The following SNTB1 variants were observed in gnomAD, a reference collection of about 807,000 sequenced individuals.
SNTB1 encodes the protein syntrophin beta 1.
In SNTB1, 36 loss-of-function variants were observed where a neutral mutation model predicts 48.9. The observed-to-expected ratio is 0.74, with a 90% confidence interval of 0.56 to 0.97. SNTB1 has a LOEUF of 0.97. SNTB1 is among the 50% of genes least tolerant of loss of function. SNTB1 has a pLI of 0.00. For synonymous variants in SNTB1, 299 were observed against 294.6 expected (o/e 1.01, Z -0.15); for missense variants, 786 against 703.4 (o/e 1.12, Z -1.33).
chr8:120,609,109 C>T (rs973706012), intron 3 of SNTB1, among the ~76,000 whole-genome samples: 3 of 151,970 alleles, frequency 2.0e-5, no homozygotes, highest in Admixed American at 1.3e-4. Context: ...AGGATGACTA[C>T]TAAAAGAGCA....
chr8:120,633,389 T>A (rs529997381), intron 2 of SNTB1, among the ~76,000 whole-genome samples: 2 of 152,238 alleles, frequency 1.3e-5, no homozygotes, highest in East Asian at 3.9e-4. Context: ...GCAGATCACC[T>A]GAGGTCAGGA....
At chr8:120,740,501 T>C (rs1467223376) in intron 1 of SNTB1, among the ~76,000 whole-genome samples, 1 of 152,172 alleles carries the variant, frequency 6.6e-6, no homozygotes, top group Non-Finnish European at 1.5e-5. Flanking sequence ...AGCTCTGACA[T>C]CTACAGTTAC....
At position 120,573,338 on chromosome 8, in the gene SNTB1, T is replaced by C. The variant is rs547834364; in HGVS notation, c.1136+1748A>G. ...GATCATTAGTGACATTAAACACCTT[T>C]TGGACATCTGTATGTCTTCTTTGGA... is the stretch of plus-strand genomic sequence containing the variant. On this transcript the variant is annotated intron_variant, in intron 4 of 6. Coordinates refer to ENST00000517992, the MANE Select transcript of SNTB1 (RefSeq NM_021021.4). 2.6e-4 allele frequency among the ~76,000 whole-genome samples: 40 copies of C among 152,376 alleles called. 1 individual carries two copies. Among genetic ancestry groups the C allele is most frequent in the African/African-American group, 9.1e-4 (38 of 41,598 alleles).
intron 2 of SNTB1, among the ~76,000 whole-genome samples, chr8:120,675,347 A>T (rs1306857472): frequency 1.3e-5 from 2 of 152,234 alleles, no homozygotes; most frequent in Admixed American, 1.3e-4. Context: ...GTACATTTAC[A>T]TGATGATCCT....
At chr8:120,561,187 C>T (rs1476775152) in intron 4 of SNTB1, among the ~76,000 whole-genome samples, 1 of 151,902 alleles carries the variant, frequency 6.6e-6, no homozygotes, top group Non-Finnish European at 1.5e-5. Context: ...ATTAGACGGG[C>T]ATGGTAGCAC....
At chr8:120,552,006 A>C (rs1359134784) in intron 4 of SNTB1, among the ~76,000 whole-genome samples, 1 of 152,102 alleles carries the variant, frequency 6.6e-6, no homozygotes, top group African/African-American at 2.4e-5. Flanking sequence ...CATTTTCCAT[A>C]CCCTAAATTT....
intron 3 of SNTB1, among the ~76,000 whole-genome samples, chr8:120,591,621 T>C (rs1174527485): frequency 6.6e-6 from 1 of 152,180 alleles, no homozygotes; most frequent in Non-Finnish European, 1.5e-5. Context: ...ACAACTGCCC[T>C]TTTTTATGGC....
intron 3 of SNTB1, among the ~76,000 whole-genome samples, chr8:120,615,341 T>C (rs1039586141): frequency 6.6e-6 from 1 of 152,082 alleles, no homozygotes; most frequent in Non-Finnish European, 1.5e-5. Context: ...CAACAATATG[T>C]CTGATCTTAG....
intron 1 of SNTB1, among the ~76,000 whole-genome samples, chr8:120,786,396 C>A (rs1362611417): frequency 6.6e-6 from 1 of 152,122 alleles, no homozygotes; most frequent in African/African-American, 2.4e-5. Flanking sequence ...GCGCTCTAGC[C>A]CAACGATCAG....
intron 1 of SNTB1, among the ~76,000 whole-genome samples, chr8:120,700,156 C>CGTGTGTGTGTGTGTGTGTGTGTGT (rs58077307): frequency 1.6e-4 from 24 of 149,276 alleles, no homozygotes; most frequent in African/African-American, 5.9e-4. Context: ...AAAAAAATTG[C>CGTGTGTGTGTGTGTGTGTGTGTGT]GTGTGTGTGT....
At chr8:120,766,120 A>G (rs1433075265) in intron 1 of SNTB1, among the ~76,000 whole-genome samples, 1 of 152,234 alleles carries the variant, frequency 6.6e-6, no homozygotes, top group Non-Finnish European at 1.5e-5. Flanking sequence ...GAAAATGACA[A>G]GAAGAGGGTT....
chr8:120,645,500 T>C (rs1271574705), intron 2 of SNTB1, among the ~76,000 whole-genome samples: 13 of 151,796 alleles, frequency 8.6e-5, no homozygotes, highest in Admixed American at 2.0e-4. Context: ...TTCTGAGAGC[T>C]CTGTTCTGTT....
chr8:120,806,755 G>C (rs1399777170), intron 1 of SNTB1, among the ~76,000 whole-genome samples: 2 of 152,156 alleles, frequency 1.3e-5, no homozygotes, highest in Non-Finnish European at 2.9e-5. Context: ...ACTAGTAGAA[G>C]ATAAAAACCT....
At chr8:120,541,079 A>G (rs1282163011) in intron 6 of SNTB1, 1 of 152,218 alleles carries the variant, frequency 6.6e-6, no homozygotes, top group Non-Finnish European at 1.5e-5. Context: ...GCCAAGGATG[A>G]CACTTGCTAG....
intron 1 of SNTB1, among the ~76,000 whole-genome samples, chr8:120,751,861 G>T (rs1218060961): frequency 2.0e-5 from 3 of 152,120 alleles, no homozygotes; most frequent in Non-Finnish European, 2.9e-5. Context: ...TTATGATCAG[G>T]TCGCTTTTTC....
chr8:120,782,562 T>C (rs1428942962), intron 1 of SNTB1, among the ~76,000 whole-genome samples: 2 of 152,112 alleles, frequency 1.3e-5, no homozygotes, highest in Admixed American at 6.6e-5. Context: ...CAGAATGTAA[T>C]AATAATTTAA....
chr8:120,704,945 A>T (rs923059766), intron 1 of SNTB1, among the ~76,000 whole-genome samples: 1 of 152,220 alleles, frequency 6.6e-6, no homozygotes, highest in Non-Finnish European at 1.5e-5. Flanking sequence ...TTTCATGGCT[A>T]TGATTCCCAT....
intron 1 of SNTB1, among the ~76,000 whole-genome samples, chr8:120,804,335 C>T (rs1267609900): frequency 6.6e-6 from 1 of 152,016 alleles, no homozygotes; most frequent in Non-Finnish European, 1.5e-5. Flanking sequence ...ATGTTCCAGG[C>T]ACTGTGCTAA....
At chr8:120,736,940 C>T (rs970685166) in intron 1 of SNTB1, among the ~76,000 whole-genome samples, 6 of 152,108 alleles carry the variant, frequency 3.9e-5, no homozygotes, top group Non-Finnish European at 5.9e-5. Flanking sequence ...TCTCTCTTTC[C>T]TTCTTTCTGT....
Sources: allele counts gnomAD v4.1 joint callset (sites outside exome capture counted in the v4.1 genomes callset), GRCh38; gene constraint gnomAD v4.1.1; transcripts MANE v1.5; gene names NCBI Gene and HGNC (gene_info 2026-07-23, HGNC 2026-07-21).